The following ULK3 variants were observed in gnomAD, a reference collection of about 807,000 sequenced individuals.
The protein encoded by ULK3 is serine/threonine-protein kinase ULK3.
A neutral mutation model predicts 69.4 loss-of-function variants in ULK3; 54 were observed. The ratio of observed to expected loss-of-function variants is 0.78; its 90% confidence interval spans 0.63 to 0.98. The LOEUF (loss-of-function observed/expected upper bound fraction) is 0.98. Among genes scored for constraint, ULK3 ranks in the 50% least tolerant of loss-of-function variants. The pLI is 0.00. For synonymous variants in ULK3, 240 were observed against 254.5 expected, an observed-to-expected ratio of 0.94 and a Z score of 0.54; for missense variants, 558 against 627.7, an observed-to-expected ratio of 0.89 and a Z score of 1.19.
rs1477267138 is a variant in ULK3, at chr15:74,840,200, C to A, written c.696+34G>T. ...CCCTCAGGGCCCTGACTCCCTCTGC[C>A]CCCCAGTGGTCGCTAAGGCCCTGCT... On this transcript the variant is annotated intron_variant, in intron 6 of 15. Transcript: ENST00000440863. 3 of 1,582,406 alleles carry A rather than the reference C, an allele frequency of 1.9e-6. No homozygotes were observed. The East Asian group carries it at 6.9e-5, about 37-fold the overall frequency.
intron 4 of ULK3, 191 bp from the exon 5 acceptor site, chr15:74,840,832 TC>T: frequency 4.2e-6 from 3 of 719,100 alleles, no homozygotes; most frequent in Non-Finnish European, 6.4e-6. Context: ...TACCCATCCT[TC>T]CCAGCTCCCT....
chr15:74,840,784 G>A, intron 4 of ULK3, 143 bp from the exon 5 acceptor site: 2 of 1,134,236 alleles, frequency 1.8e-6, no homozygotes, highest in Middle Eastern at 6.0e-4. Context: ...TCATTAGGCT[G>A]GAACACCCTC....
chr15:74,840,707 C>T (rs1343291576), intron 4 of ULK3, 66 bp from the exon 5 acceptor site: 3 of 1,505,384 alleles, frequency 2.0e-6, no homozygotes, highest in African/African-American at 2.8e-5. Context: ...CTTGTAAAGC[C>T]TCACCCCAGG....
Position 74,837,086 on chromosome 15 carries a change from C to T in ULK3, c.*142G>A. The T allele has an allele frequency of 8.4e-7, 1 of 1,197,184 alleles. No homozygotes were observed. The highest frequency in any genetic ancestry group is 1.1e-6 in the Non-Finnish European group (1 of 875,854). The allele number at this position is 1,197,184 out of a possible 1,614,324, so 74.2% of individuals were successfully genotyped here. A position where few individuals can be genotyped will look rare whatever the true frequency, so the allele number is the denominator to read the frequency against. On this transcript the variant is annotated 3_prime_UTR_variant, in exon 16 of 16. Coordinates refer to ENST00000440863, the MANE Select transcript of ULK3 (RefSeq NM_001099436.4). ...AGTAACCTGAGGGAGGCTGGGGACT[C>T]TGGGATATGGGGGTCTCAGCACTGT...
At chr15:74,840,797 A>G (rs1163528073) in intron 4 of ULK3, 156 bp from the exon 5 acceptor site, 7 of 1,021,990 alleles carry the variant, frequency 6.8e-6, no homozygotes, top group Admixed American at 3.2e-5. Context: ...ACACCCTCCT[A>G]TATCTGCCTC....
intron 4 of ULK3, 104 bp downstream of exon 4, chr15:74,841,301 G>A: frequency 1.1e-6 from 1 of 874,418 alleles, no homozygotes; most frequent in Non-Finnish European, 1.7e-6. Context: ...ACTCTTTGAG[G>A]ACTCTATAGA....
At chr15:74,841,297 TGAGGACTCTATA>T in intron 4 of ULK3, 96 bp downstream of exon 4, 2 of 861,680 alleles carry the variant, frequency 2.3e-6, no homozygotes, top group South Asian at 3.6e-5. Flanking sequence ...TGTCACTCTT[TGAGGACTCTATA>T]GAGGGCTCCA....
At chr15:74,841,616 T>G (rs780111456) in intron 3 of ULK3, 107 bp from the exon 4 acceptor site, 172 of 901,798 alleles carry the variant, frequency 1.9e-4, no homozygotes, top group Non-Finnish European at 2.7e-4. Flanking sequence ...CCCCAGTTCC[T>G]GCCTGGCTGG....
At chr15:74,838,530 T>C (rs780091093) in intron 10 of ULK3, 26 bp from the exon 11 acceptor site, 4 of 1,566,786 alleles carry the variant, frequency 2.6e-6, no homozygotes, top group Non-Finnish European at 3.5e-6. Flanking sequence ...AGGCTCAGGG[T>C]GAGGGAAGCA....
chr15:74,842,663 T>C lies in ULK3; in HGVS notation c.103-243A>G. The C allele has an allele frequency of 2.0e-6, 3 of 1,535,870 alleles. No individual in the cohort carries two copies. The highest frequency in any genetic ancestry group is 1.4e-5 in the African/African-American group (1 of 73,180). On this transcript the variant is annotated intron_variant, in intron 1 of 15. Transcript: ENST00000440863. The surrounding 1 kb of genome is among the most constrained non-coding windows in gnomAD (Gnocchi z 4.9). The stretch of plus-strand genomic sequence containing the variant: ...CTCCAACCCTCGGCTAGCTGATCCA[T>C]TTCTTTGCATTCTGGAGTGCTCCCG...
Position 74,837,392 on chromosome 15 carries a change from C to T in ULK3, c.1379G>A (p.Gly460Glu). 2 of 1,613,058 alleles carry T rather than the reference C, an allele frequency of 1.2e-6. No homozygotes were observed. The highest frequency in any genetic ancestry group is 2.2e-5 in the South Asian group (2 of 90,850). The change falls in exon 15 of 16, where the codon GGA (glycine) becomes GAA (glutamate). Residue 460 changes from glycine to glutamate, a missense_variant. Physicochemically the swap from Gly to Glu is moderately conservative, Grantham distance 98 (BLOSUM62 -2). Coordinates refer to ENST00000440863, the MANE Select transcript of ULK3 (RefSeq NM_001099436.4). ...RWEADTLDKEGLSESVRSSCT... is the reference protein window; with the variant it reads ...RWEADTLDKEELSESVRSSCT... ...ACAGCTACGAACAGATTCCGACAGTCCCTCTTTGTCCAGGGTGTCAGCTTC... is the reference window on the plus strand; with the variant it reads ...ACAGCTACGAACAGATTCCGACAGTTCCTCTTTGTCCAGGGTGTCAGCTTC...
In ULK3 at chr15:74,843,012, A is replaced by C; in HGVS notation, c.94T>G (p.Tyr32Asp). 6.5e-7 allele frequency: 1 copy of C among 1,547,688 alleles called. No individual in the cohort carries two copies. Among genetic ancestry groups the C allele is most frequent in the Non-Finnish European group, 8.7e-7 (1 of 1,146,004 alleles). Residue 32 changes from tyrosine (Y) to aspartate (D), a missense_variant, in exon 1 of 16, where the codon TAC (tyrosine) becomes GAC (aspartate). Coordinates refer to ENST00000440863, the MANE Select transcript of ULK3 (RefSeq NM_001099436.4). ...CATCGGCCGGCACCCACCTTGGCGT[A>C]GGCCTTGTACACCGTGGCGTACGTG... is the stretch of plus-strand genomic sequence containing the variant. ...SGTYATVYKA[Y>D]AKKDTREVVA...
chr15:74,841,663 C>T (rs2064256169), intron 3 of ULK3, among the ~76,000 whole-genome samples, 154 bp from the exon 4 acceptor site: 2 of 152,214 alleles, frequency 1.3e-5, no homozygotes. Flanking sequence ...GATCACACCA[C>T]TTCTAGGAGT....
Position 74,837,082 on chromosome 15 carries a change from G to T in ULK3, c.*146C>A, listed in dbSNP as rs1003609345. The stretch of plus-strand genomic sequence containing the variant: ...GCAGAGTAACCTGAGGGAGGCTGGG[G>T]ACTCTGGGATATGGGGGTCTCAGCA... On this transcript the variant is annotated 3_prime_UTR_variant, in exon 16 of 16. Coordinates refer to ENST00000440863, the MANE Select transcript of ULK3 (RefSeq NM_001099436.4). 2.7e-6 allele frequency: 3 copies of T among 1,125,716 alleles called. No homozygotes were observed. The highest frequency in any genetic ancestry group is 3.1e-5 in the African/African-American group (2 of 63,570). The allele number at this position is 1,125,716 out of a possible 1,614,324, so 69.7% of individuals were successfully genotyped here. A position where few individuals can be genotyped will look rare whatever the true frequency, so the allele number is the denominator to read the frequency against.
In ULK3 at chr15:74,841,479, T is replaced by C. The variant is rs115078393; in HGVS notation, c.395A>G (p.Asn132Ser). Residue 132 changes from asparagine to serine, a missense_variant, in exon 4 of 16, where the codon AAT (asparagine) becomes AGT (serine). Physicochemically the swap from Asn to Ser is conservative, Grantham distance 46. Transcript: ENST00000440863. ...ASALQFLHER[N>S]ISHLDLKPQN... Reference sequence around the variant, plus strand: ...TGGCTTCAGATCCAGGTGAGAGATATTCCGTTCATGCAGGAATTGCAGGGC... The same window carrying C: ...TGGCTTCAGATCCAGGTGAGAGATACTCCGTTCATGCAGGAATTGCAGGGC... 3 of 1,613,874 alleles carry C rather than the reference T, an allele frequency of 1.9e-6. No homozygotes were observed. The highest frequency in any genetic ancestry group is 8.5e-7 in the Non-Finnish European group (1 of 1,179,840).
In ULK3 at chr15:74,838,683, G is replaced by A. The variant is rs1666356814; in HGVS notation, c.1062C>T (p.Ala354=). The change falls in exon 10 of 16, where the codon GCC becomes GCT. Residue 354 remains alanine, a synonymous_variant. Coordinates refer to ENST00000440863, the MANE Select transcript of ULK3 (RefSeq NM_001099436.4). ...GGGCAGAGGTCCCCTGCCTCAGCAG[G>A]GCCTGATTGGAAGAGGAGACGATGG... ...LKAIVSSSNQ[A]LLRQGTSARD... is the part of the protein sequence containing the mutation. The A allele has an allele frequency of 1.9e-6, 3 of 1,612,638 alleles. No individual in the cohort carries two copies. The highest frequency in any genetic ancestry group is 4.5e-5 in the East Asian group (2 of 44,850).
At chr15:74,837,682 A>G in intron 14 of ULK3, 69 bp downstream of exon 14, 1 of 1,508,580 alleles carries the variant, frequency 6.6e-7, no homozygotes, top group South Asian at 1.2e-5. Flanking sequence ...GCAGGGGGGG[A>G]CGACAGCCAC....
Position 74,839,051 on chromosome 15 carries a change from C to A in ULK3, c.959-1G>T, listed in dbSNP as rs1318675150. On this transcript the variant is annotated splice_acceptor_variant, in intron 8 of 15. Transcript: ENST00000440863. LOFTEE classifies it high-confidence loss of function. ...TCCTTCCGCTGGGCATCCACTTCAT[C>A]TGCAGAAAGTGAGGTCATATGAGGA... 2 of 1,604,108 alleles carry A rather than the reference C, an allele frequency of 1.2e-6. No individual in the cohort carries two copies. The highest frequency in any genetic ancestry group is 1.7e-6 in the Non-Finnish European group (2 of 1,175,444).
At chr15:74,838,603 T>C in intron 10 of ULK3, 40 bp downstream of exon 10, 1 of 1,590,752 alleles carries the variant, frequency 6.3e-7, no homozygotes, top group South Asian at 1.1e-5. Context: ...GTGGGGAGGT[T>C]TGCTGGGGGC....
Sources: gnomAD v4.1 joint callset for allele counts (sites outside exome capture counted in the v4.1 genomes callset) on GRCh38, gnomAD v4.1.1 for gene constraint, Gnocchi (gnomAD v3.1) non-coding constraint, MANE v1.5 for transcripts, NCBI Gene and HGNC (gene_info 2026-07-23, HGNC 2026-07-21) for gene names.